ASIC5: variants seen among roughly 807,000 people sequenced by gnomAD.
ASIC5 encodes acid sensing ion channel subunit family member 5.
In ASIC5, 52 loss-of-function variants were observed where a neutral mutation model predicts 51.2. The ratio of observed to expected loss-of-function variants is 1.02; its 90% CI spans 0.81 to 1.28. The LOEUF (loss-of-function observed/expected upper bound fraction) is 1.28. Ranked by LOEUF, ASIC5 falls within the 50% of genes most tolerant of loss-of-function variation. The pLI is 0.00. For synonymous variants in ASIC5, 231 were observed against 200.7 expected (o/e 1.15, Z -1.28); for missense variants, 635 against 595.0 (o/e 1.07, Z -0.70).
chr4:155,836,648 C>A, intron 8 of ASIC5, 41 bp downstream of exon 8: 1 of 1,290,558 alleles, frequency 7.7e-7, no homozygotes, highest in Non-Finnish European at 1.1e-6. Flanking sequence ...AAAAAAAAAT[C>A]TATGTTAATT....
chr4:155,854,857 T>C (rs1741488689), intron 2 of ASIC5: 1 of 153,564 alleles, frequency 6.5e-6, no homozygotes, highest in African/African-American at 2.4e-5. Context: ...CTTCAAATAC[T>C]GGGTTAGGTA....
At chr4:155,847,859 A>G (rs1363863173) in intron 4 of ASIC5, among the ~76,000 whole-genome samples, 1 of 152,100 alleles carries the variant, frequency 6.6e-6, no homozygotes, top group Non-Finnish European at 1.5e-5. Flanking sequence ...ATATTAAAAG[A>G]CAAAATAAGT....
chr4:155,841,434 A>T (rs1741118164), intron 6 of ASIC5, among the ~76,000 whole-genome samples: 1 of 152,022 alleles, frequency 6.6e-6, no homozygotes, highest in African/African-American at 2.4e-5. Context: ...AGCAGAGGAG[A>T]GAGGTTAGGT....
At chr4:155,863,233 A>T (rs1741759595) in intron 2 of ASIC5, among the ~76,000 whole-genome samples, 1 of 152,096 alleles carries the variant, frequency 6.6e-6, no homozygotes, top group Non-Finnish European at 1.5e-5. Flanking sequence ...TGATTGTGGA[A>T]GGAAGGAAGA....
Position 155,836,728 on chromosome 4 carries a change from T to C in ASIC5, c.1196A>G (p.Tyr399Cys), listed in dbSNP as rs200719023. The C allele has an allele frequency of 3.7e-6, 6 of 1,611,224 alleles. No homozygotes were observed. The highest frequency in any genetic ancestry group is 4.2e-6 in the Non-Finnish European group (5 of 1,177,948). Residue 399 changes from tyrosine (Y) to cysteine (C), a missense_variant, in exon 8 of 10, where the codon TAT becomes TGT. Coordinates refer to ENST00000537611, the MANE Select transcript of ASIC5 (RefSeq NM_017419.3). ...SSFPSQKALK[Y>C]LSKKLNQSRK... ...GCTTTGATTCAACTTCTTGGAAAGA[T>C]ATTTCAAAGCTTTTTGACTTGGAAA...
At chr4:155,863,298 T>G (rs1741761409) in intron 2 of ASIC5, 150 bp downstream of exon 2, 1 of 610,950 alleles carries the variant, frequency 1.6e-6, no homozygotes, top group Admixed American at 3.0e-5. Context: ...TCCCTTAAAT[T>G]TGTGCTTTTG....
intron 8 of ASIC5, among the ~76,000 whole-genome samples, chr4:155,835,694 C>A (rs1740964362): frequency 6.6e-6 from 1 of 152,132 alleles, no homozygotes; most frequent in Admixed American, 6.5e-5. Context: ...GAAGTGTAAA[C>A]AAACATAATT....
intron 2 of ASIC5, among the ~76,000 whole-genome samples, chr4:155,860,294 C>A (rs1741667976): frequency 6.6e-6 from 1 of 151,544 alleles, no homozygotes; most frequent in African/African-American, 2.4e-5. Flanking sequence ...ATATAAAATA[C>A]AATATTTTTC....
chr4:155,864,674 A>T (rs1741816430), intron 1 of ASIC5: 2 of 152,148 alleles, frequency 1.3e-5, no homozygotes, highest in Non-Finnish European at 2.9e-5. Flanking sequence ...GTCAAATGGC[A>T]GCAATGGTAT....
intron 2 of ASIC5, 105 bp from the exon 3 acceptor site, chr4:155,854,419 A>G: frequency 1.2e-6 from 1 of 831,468 alleles, no homozygotes; most frequent in South Asian, 1.7e-5. Flanking sequence ...TATCTCCCAC[A>G]CTCTCCCTTA....
intron 7 of ASIC5, among the ~76,000 whole-genome samples, chr4:155,837,308 G>A (rs938891935): frequency 2.4e-4 from 37 of 152,170 alleles, no homozygotes; most frequent in African/African-American, 8.2e-4. Flanking sequence ...ACAATGGTAA[G>A]AAATGTGCTC....
At chr4:155,864,995 A>G (rs1462436735) in intron 1 of ASIC5, 6 of 152,070 alleles carry the variant, frequency 3.9e-5, no homozygotes, top group Non-Finnish European at 8.8e-5. Context: ...AAGATGTTTC[A>G]AGCTTCATTT....
At chr4:155,841,390 T>A (rs1435787715) in intron 6 of ASIC5, among the ~76,000 whole-genome samples, 1 of 152,128 alleles carries the variant, frequency 6.6e-6, no homozygotes, top group East Asian at 1.9e-4. Flanking sequence ...AACAACCCTA[T>A]AAGATGGGAT....
At chr4:155,842,853 G>T (rs1741152412) in intron 5 of ASIC5, among the ~76,000 whole-genome samples, 1 of 151,958 alleles carries the variant, frequency 6.6e-6, no homozygotes, top group African/African-American at 2.4e-5. Context: ...AATTTATTGG[G>T]TGAAAAGAAA....
At chr4:155,857,661 C>T (rs572013462) in intron 2 of ASIC5, among the ~76,000 whole-genome samples, 19 of 152,140 alleles carry the variant, frequency 1.2e-4, no homozygotes, top group African/African-American at 4.6e-4. Context: ...TTATATGACC[C>T]AAATGAGTAA....
intron 8 of ASIC5, among the ~76,000 whole-genome samples, chr4:155,835,976 T>C (rs1017134700): frequency 5.3e-5 from 8 of 152,312 alleles, no homozygotes; most frequent in African/African-American, 1.7e-4. Context: ...CAAATACCAA[T>C]ATACTGTATA....
chr4:155,831,819 C>A lies in ASIC5; in HGVS notation c.1327+5G>T, dbSNP rs1276437516. 6.5e-7 allele frequency: 1 copy of A among 1,547,102 alleles called. No individual in the cohort carries two copies. The highest frequency in any genetic ancestry group is 8.9e-7 in the Non-Finnish European group (1 of 1,121,032). On this transcript the variant is annotated splice_donor_5th_base_variant and intron_variant, in intron 9 of 9. Coordinates refer to ENST00000537611, the MANE Select transcript of ASIC5 (RefSeq NM_017419.3). ...TAAAATAAGGAGCAATTAAATAACA[C>A]TTACCAAGTAACTCAGACACACTCA... is the stretch of plus-strand genomic sequence containing the variant.
intron 4 of ASIC5, among the ~76,000 whole-genome samples, chr4:155,851,658 C>T (rs556555401): frequency 1.0e-3 from 155 of 151,988 alleles, no homozygotes; most frequent in Non-Finnish European, 1.7e-3. Flanking sequence ...CATCTGCCTC[C>T]CAGGACTAAA....
chr4:155,831,146 G>T (rs1740861989), intron 9 of ASIC5, among the ~76,000 whole-genome samples: 1 of 152,130 alleles, frequency 6.6e-6, no homozygotes, highest in Non-Finnish European at 1.5e-5. Context: ...GCTTCCTCAG[G>T]TTCTTCTTTT....
Sources: allele counts gnomAD v4.1 joint callset (sites outside exome capture counted in the v4.1 genomes callset), GRCh38; gene constraint gnomAD v4.1.1; transcripts MANE v1.5; gene names NCBI Gene and HGNC (gene_info 2026-07-23, HGNC 2026-07-21).